DNTTIP1: variants seen among roughly 807,000 people sequenced by gnomAD.
DNTTIP1 encodes deoxynucleotidyltransferase terminal-interacting protein 1.
Under a neutral mutation model 52.9 loss-of-function variants are expected in DNTTIP1, and 22 were observed. That is an observed-to-expected ratio of 0.42 (90% confidence interval 0.30 to 0.59). DNTTIP1 has a LOEUF of 0.59. DNTTIP1 is among the 20% of genes least tolerant of loss of function. The pLI is 0.22. For missense variants in DNTTIP1, 286 were observed against 435.5 expected (o/e 0.66, Z 3.06); for synonymous variants, 136 against 155.1 (o/e 0.88, Z 0.92).
Position 45,809,977 on chromosome 20 carries a change from G to C in DNTTIP1, c.795+792G>C, listed in dbSNP as rs889461622. On this transcript the variant is annotated intron_variant, in intron 11 of 12. Coordinates refer to ENST00000372622, the MANE Select transcript of DNTTIP1 (RefSeq NM_052951.3). This position sits in a 1 kb window ranked among gnomAD's most constrained non-coding sequence, Gnocchi z 4.2. ...TACATAAATAAGAAATAGATGGTAG[G>C]GGGTGGGGGCAGGACCTAAAATTAA... Among the ~76,000 whole-genome samples the C allele has an allele frequency of 3.5e-4, 53 of 152,204 alleles. No homozygotes were observed. Among genetic ancestry groups the C allele is most frequent in the African/African-American group, 1.2e-3 (50 of 41,516 alleles).
Position 45,809,314 on chromosome 20 carries a change from T to C in DNTTIP1, c.795+129T>C. 1 of 753,592 alleles carries C rather than the reference T, an allele frequency of 1.3e-6. No homozygotes were observed. The highest frequency in any genetic ancestry group is 1.6e-5 in the South Asian group (1 of 62,046). 46.7% of individuals were successfully genotyped at this position (753,592 alleles called of 1,614,324 possible). On this transcript the variant is annotated intron_variant, in intron 11 of 12. Transcript: ENST00000372622. The surrounding 1 kb of genome is among the most constrained non-coding windows in gnomAD (Gnocchi z 4.2). ...TCACCAATGTGTGAGAAGAGAGACT[T>C]ATAAGGCCTATTTCTTCATGCTGAA...
At position 45,810,932 on chromosome 20, in the gene DNTTIP1, T is replaced by G. The variant is rs779442051; in HGVS notation, c.843T>G (p.Asp281Glu). Residue 281 changes from aspartate (D) to glutamate (E), a missense_variant, in exon 12 of 13, where the codon GAT becomes GAG. Physicochemically the swap from Asp to Glu is conservative, Grantham distance 45. Transcript: ENST00000372622. ...EEDIRDLAASDDYRGCLDLKL... is the reference protein window; with the variant it reads ...EEDIRDLAASEDYRGCLDLKL... ...ACATCCGGGACCTTGCGGCCAGTGATGATTACAGGTAAAACCAGTGGGTCT... is the reference window on the plus strand; with the variant it reads ...ACATCCGGGACCTTGCGGCCAGTGAGGATTACAGGTAAAACCAGTGGGTCT... 1.6e-5 allele frequency: 26 copies of G among 1,614,232 alleles called. No individual in the cohort carries two copies. The highest frequency in any genetic ancestry group is 2.1e-5 in the Non-Finnish European group (25 of 1,180,046).
chr20:45,799,355 A>AG (rs1462569108), intron 4 of DNTTIP1, among the ~76,000 whole-genome samples: 1 of 152,204 alleles, frequency 6.6e-6, no homozygotes, highest in East Asian at 1.9e-4. Flanking sequence ...TGTTTCCAGA[A>AG]GGGGGAGCCC....
chr20:45,796,910 T>G (rs1981258479), intron 4 of DNTTIP1, among the ~76,000 whole-genome samples: 1 of 152,222 alleles, frequency 6.6e-6, no homozygotes, highest in African/African-American at 2.4e-5. Context: ...GCCTTGACTT[T>G]GCTCCAACCT....
At position 45,803,468 on chromosome 20, in the gene DNTTIP1, C is replaced by G. The variant is rs75362925; in HGVS notation, c.603+90C>G. The G allele has an allele frequency of 2.1e-6, 3 of 1,454,460 alleles. No homozygotes were observed. In the African/African-American group the frequency reaches 4.2e-5, roughly 20 times the overall value. The allele number at this position is 1,454,460 out of a possible 1,614,324, so 90.1% of individuals were successfully genotyped here. ...CACCATGAGGGAAAGGGGCAGGGGGCGAAGGGTGCATGCACACCATTCCAG... is the reference window on the plus strand; with the variant it reads ...CACCATGAGGGAAAGGGGCAGGGGGGGAAGGGTGCATGCACACCATTCCAG... On this transcript the variant is annotated intron_variant, in intron 8 of 12. Coordinates refer to ENST00000372622, the MANE Select transcript of DNTTIP1 (RefSeq NM_052951.3).
intron 8 of DNTTIP1, among the ~76,000 whole-genome samples, chr20:45,803,728 T>C (rs1981548461): frequency 6.6e-6 from 1 of 152,364 alleles, no homozygotes; most frequent in East Asian, 1.9e-4. Context: ...AGATCAATTC[T>C]GTGAACCATT....
At chr20:45,792,236 G>T in intron 1 of DNTTIP1, 127 bp downstream of exon 1, 1 of 520,244 alleles carries the variant, frequency 1.9e-6, no homozygotes. Context: ...TTCGCAGCCC[G>T]ACGACCTGGA....
chr20:45,803,458 G>C (rs1163569353), intron 8 of DNTTIP1, 80 bp downstream of exon 8: 1 of 1,529,472 alleles, frequency 6.5e-7, no homozygotes, highest in Non-Finnish European at 9.0e-7. Flanking sequence ...TGAGGGAAAG[G>C]GGCAGGGGGC....
intron 8 of DNTTIP1, among the ~76,000 whole-genome samples, chr20:45,803,808 T>C: frequency 6.6e-6 from 1 of 152,220 alleles, no homozygotes; most frequent in South Asian, 2.1e-4. Context: ...AGTTGTCTTA[T>C]ACACTTAATG....
intron 1 of DNTTIP1, 87 bp from the exon 2 acceptor site, chr20:45,792,590 C>A: frequency 9.6e-7 from 1 of 1,039,682 alleles, no homozygotes; most frequent in Non-Finnish European, 1.4e-6. Flanking sequence ...GCAGGGATGT[C>A]CAGGTTTAAC....
intron 8 of DNTTIP1, among the ~76,000 whole-genome samples, chr20:45,803,814 T>A (rs1371844540): frequency 6.6e-6 from 1 of 152,220 alleles, no homozygotes; most frequent in Non-Finnish European, 1.5e-5. Context: ...CTTATACACT[T>A]AATGCACTTA....
chr20:45,792,592 A>T, intron 1 of DNTTIP1, 85 bp from the exon 2 acceptor site: 4 of 1,054,418 alleles, frequency 3.8e-6, no homozygotes, highest in Non-Finnish European at 2.7e-6. Context: ...AGGGATGTCC[A>T]GGTTTAACTT....
chr20:45,801,299 G>A lies in DNTTIP1; in HGVS notation c.442-103G>A. 6 of 1,460,778 alleles carry A rather than the reference G, an allele frequency of 4.1e-6. No homozygotes were observed. In the South Asian group the frequency reaches 6.9e-5, roughly 17 times the overall value. 90.5% of individuals were successfully genotyped at this position (1,460,778 alleles called of 1,614,324 possible). A position where few individuals can be genotyped will look rare whatever the true frequency, so the allele number is the denominator to read the frequency against. On this transcript the variant is annotated intron_variant, in intron 5 of 12. Coordinates refer to ENST00000372622, the MANE Select transcript of DNTTIP1 (RefSeq NM_052951.3). ...ATGGGCTTCTTTGGCCTGGGTCAGA[G>A]CGGGGCTGGAGAGCTGTAGTCCAGG...
Position 45,811,114 on chromosome 20 carries a change from G to A in DNTTIP1, c.909G>A (p.Met303Ile). ...AATCCTTTGTCCTACCCTCCTGGAT[G>A]GTGGAGAAGATGAGAAAGTATATGG... is the stretch of plus-strand genomic sequence containing the variant. ...ELKSFVLPSW[M>I]VEKMRKYMET... The change falls in exon 13 of 13, where the codon ATG becomes ATA. Residue 303 changes from methionine to isoleucine, a missense_variant. Around this residue, in one of 2 missense-constraint regions of DNTTIP1, gnomAD observed 78 missense variants for 169.0 expected, o/e 0.46. Coordinates refer to ENST00000372622, the MANE Select transcript of DNTTIP1 (RefSeq NM_052951.3). The A allele has an allele frequency of 6.2e-7, 1 of 1,614,180 alleles. No individual in the cohort carries two copies. Among genetic ancestry groups the A allele is most frequent in the African/African-American group, 1.3e-5 (1 of 75,062 alleles).
chr20:45,796,386 G>T, intron 4 of DNTTIP1: 1 of 353,906 alleles, frequency 2.8e-6, no homozygotes. Flanking sequence ...TAAAAGCAAA[G>T]CAAAAAAAAA....
Position 45,809,529 on chromosome 20 carries a change from C to G in DNTTIP1, c.795+344C>G, listed in dbSNP as rs1015435845. 6.6e-6 allele frequency among the ~76,000 whole-genome samples: 1 copy of G among 152,208 alleles called. No individual in the cohort carries two copies. Among genetic ancestry groups the G allele is most frequent in the Non-Finnish European group, 1.5e-5 (1 of 68,036 alleles). ...CCACTGACAGATTTCACTCATTGAT[C>G]ACTCTTCCACCAGACACAGCTATAG... On this transcript the variant is annotated intron_variant, in intron 11 of 12. Transcript: ENST00000372622. This position sits in a 1 kb window ranked among gnomAD's most constrained non-coding sequence, Gnocchi z 4.2.
intron 4 of DNTTIP1, among the ~76,000 whole-genome samples, chr20:45,800,746 T>A (rs1981436818): frequency 2.1e-5 from 2 of 93,152 alleles, no homozygotes; most frequent in African/African-American, 8.8e-5. Context: ...TATATATATA[T>A]ATATATATAT....
chr20:45,804,530 C>T (rs1230203933), intron 8 of DNTTIP1, among the ~76,000 whole-genome samples: 1 of 152,188 alleles, frequency 6.6e-6, no homozygotes, highest in Non-Finnish European at 1.5e-5. Context: ...TAGAGGCCTT[C>T]AGCGATTCCC....
chr20:45,808,869 G>A (rs1365314545), intron 10 of DNTTIP1, among the ~76,000 whole-genome samples: 1 of 152,090 alleles, frequency 6.6e-6, no homozygotes, highest in Non-Finnish European at 1.5e-5. Flanking sequence ...GTTGCCCGGG[G>A]TGCTTTGTTG....
Sources: allele counts gnomAD v4.1 joint callset (sites outside exome capture counted in the v4.1 genomes callset), GRCh38; gene constraint gnomAD v4.1.1; regional missense constraint gnomAD v4.1.1; non-coding constraint Gnocchi (gnomAD v3.1); transcripts MANE v1.5; gene names NCBI Gene and HGNC (gene_info 2026-07-23, HGNC 2026-07-21).